Variants in ROBO2 observed in about 807,000 individuals in gnomAD.
ROBO2 encodes roundabout homolog 2.
Under a neutral mutation model 160.8 loss-of-function variants are expected in ROBO2, and 53 were observed. That is an observed-to-expected ratio of 0.33 (90% CI 0.26 to 0.41). The LOEUF is 0.41. ROBO2 is among the 10% of genes least tolerant of loss of function. The probability of loss-of-function intolerance (pLI) is 1.00; values close to 1 mark genes in which losing one functional copy is unlikely to be tolerated. For synonymous variants in ROBO2, 664 were observed against 611.7 expected, an observed-to-expected ratio of 1.09 and a Z score of -1.26; for missense variants, 1,577 against 1,722.4, an observed-to-expected ratio of 0.92 and a Z score of 1.49.
At chr3:77,555,976 A>G (rs1034709567) in intron 8 of ROBO2, among the ~76,000 whole-genome samples, 13 of 151,988 alleles carry the variant, frequency 8.6e-5, no homozygotes, top group Admixed American at 6.6e-4. Flanking sequence ...AAAGAAAAAA[A>G]CTAATTAGAT....
chr3:76,148,184 C>G (rs991969588), intron 2 of ROBO2, among the ~76,000 whole-genome samples: 14 of 151,972 alleles, frequency 9.2e-5, no homozygotes, highest in Admixed American at 9.2e-4. Flanking sequence ...TCTGACTTAA[C>G]TGAGAGGATG....
Position 75,917,770 on chromosome 3 carries a change from C to G in ROBO2, c.-14+10810C>G, listed in dbSNP as rs113427626. Among the ~76,000 whole-genome samples the G allele has an allele frequency of 8.0e-3, 1,219 of 152,262 alleles. 42 individuals are homozygous for G. The East Asian group carries it at 0.086, about 11-fold the overall frequency. On this transcript the variant is annotated intron_variant, in intron 1 of 26. Coordinates refer to the ROBO2 transcript ENST00000487694. ...GGTATGTCATTGTGGTTTTGATTTG[C>G]ATTTCTCTAATGACCAGTGATTATG...
At chr3:75,989,848 T>C (rs577681785) in intron 2 of ROBO2, among the ~76,000 whole-genome samples, 3 of 152,374 alleles carry the variant, frequency 2.0e-5, no homozygotes, top group African/African-American at 2.4e-5. Context: ...CATTCTGTGA[T>C]TGGTGGCGGT....
chr3:76,011,905 T>G (rs1430620769), intron 2 of ROBO2, among the ~76,000 whole-genome samples: 1 of 152,158 alleles, frequency 6.6e-6, no homozygotes, highest in South Asian at 2.1e-4. Flanking sequence ...TTGTTTCCAG[T>G]CATCCCCCTT....
intron 2 of ROBO2, among the ~76,000 whole-genome samples, chr3:76,763,795 T>A (rs559214741): frequency 1.8e-4 from 27 of 151,830 alleles, no homozygotes; most frequent in African/African-American, 6.5e-4. Flanking sequence ...TCTAACAAGC[T>A]CCAAACTGCT....
chr3:76,391,494 C>G (rs545976842), intron 2 of ROBO2, among the ~76,000 whole-genome samples: 12 of 151,450 alleles, frequency 7.9e-5, no homozygotes, highest in African/African-American at 2.9e-4. Context: ...TCCAAAATGT[C>G]ATAACATCTT....
intron 2 of ROBO2, among the ~76,000 whole-genome samples, chr3:76,703,140 G>A (rs956280748): frequency 2.0e-5 from 3 of 152,042 alleles, no homozygotes; most frequent in African/African-American, 7.2e-5. Context: ...ACAAATACAG[G>A]TAGTTGTTGC....
At chr3:77,503,907 T>C (rs2153610187) in intron 5 of ROBO2, among the ~76,000 whole-genome samples, 1 of 152,316 alleles carries the variant, frequency 6.6e-6, no homozygotes, top group South Asian at 2.1e-4. Flanking sequence ...TGTTAGTGTA[T>C]GAAGGAGATA....
chr3:76,255,249 C>T (rs1385081963), intron 2 of ROBO2, among the ~76,000 whole-genome samples: 1 of 152,106 alleles, frequency 6.6e-6, no homozygotes, highest in African/African-American at 2.4e-5. Context: ...CATGAGAATG[C>T]ATAAGATTGC....
At chr3:77,293,485 G>T (rs1004240535) in intron 2 of ROBO2, among the ~76,000 whole-genome samples, 1 of 147,674 alleles carries the variant, frequency 6.8e-6, no homozygotes, top group African/African-American at 2.6e-5. Context: ...GTAAGCTGAG[G>T]CTAGATCACC....
chr3:75,999,176 G>A (rs1169593967), intron 2 of ROBO2, among the ~76,000 whole-genome samples: 2 of 151,982 alleles, frequency 1.3e-5, no homozygotes, highest in Admixed American at 1.3e-4. Context: ...TAATATATAA[G>A]ACAAAAGAGT....
At chr3:75,968,356 C>T (rs2064875027) in intron 2 of ROBO2, among the ~76,000 whole-genome samples, 1 of 151,502 alleles carries the variant, frequency 6.6e-6, no homozygotes, top group Non-Finnish European at 1.5e-5. Flanking sequence ...TATCTTCCAT[C>T]ATTGCTGCTC....
chr3:76,291,426 A>G (rs1708797448), intron 2 of ROBO2, among the ~76,000 whole-genome samples: 1 of 151,736 alleles, frequency 6.6e-6, no homozygotes, highest in African/African-American at 2.4e-5. Flanking sequence ...TTTTTTCATT[A>G]TTAGTCTAGC....
intron 2 of ROBO2, among the ~76,000 whole-genome samples, chr3:76,117,372 AAT>A (rs2070517149): frequency 6.6e-6 from 1 of 152,194 alleles, no homozygotes; most frequent in Admixed American, 6.5e-5. Context: ...TCTATTTGAG[AAT>A]ATATAAAATC....
chr3:77,248,967 G>A (rs538255109), intron 2 of ROBO2, among the ~76,000 whole-genome samples: 9 of 151,812 alleles, frequency 5.9e-5, no homozygotes, highest in African/African-American at 1.5e-4. Context: ...AACCTCCACC[G>A]CCCGGGTTCA....
intron 2 of ROBO2, among the ~76,000 whole-genome samples, chr3:76,959,714 T>C (rs1223382708): frequency 6.6e-6 from 1 of 152,144 alleles, no homozygotes; most frequent in Non-Finnish European, 1.5e-5. Context: ...TTTAAATAAG[T>C]AGTAATTTGG....
intron 2 of ROBO2, among the ~76,000 whole-genome samples, chr3:77,310,139 G>A (rs575203593): frequency 1.2e-4 from 19 of 152,064 alleles, no homozygotes; most frequent in African/African-American, 2.6e-4. Flanking sequence ...CTTATTTTAC[G>A]TTTCCTTTAA....
chr3:76,581,680 G>C (rs2085711192), intron 2 of ROBO2, among the ~76,000 whole-genome samples: 1 of 151,996 alleles, frequency 6.6e-6, no homozygotes, highest in Admixed American at 6.6e-5. Flanking sequence ...GAGAAGAAAA[G>C]ATACTGTTCA....
intron 2 of ROBO2, among the ~76,000 whole-genome samples, chr3:77,275,843 A>G (rs2059792288): frequency 6.6e-6 from 1 of 152,180 alleles, no homozygotes. Context: ...TTAGTTATAG[A>G]TGAAATGCCA....
Sources: allele counts gnomAD v4.1 joint callset (sites outside exome capture counted in the v4.1 genomes callset), GRCh38; gene constraint gnomAD v4.1.1; transcripts MANE v1.5; gene names NCBI Gene and HGNC (gene_info 2026-07-23, HGNC 2026-07-21).